CR2: variants seen among roughly 807,000 people sequenced by gnomAD.
CR2 encodes complement receptor type 2.
A neutral mutation model predicts 123.0 loss-of-function variants in CR2; 96 were observed. The observed-to-expected ratio is 0.78, with a 90% CI of 0.66 to 0.93. The LOEUF (loss-of-function observed/expected upper bound fraction) is 0.93, where lower values mean the gene tolerates loss of function less well. CR2 is among the 40% of genes least tolerant of loss of function. The pLI is 0.00. For synonymous variants in CR2, 484 were observed against 469.5 expected, an observed-to-expected ratio of 1.03 and a Z score of -0.40; for missense variants, 1,258 against 1,361.0, an observed-to-expected ratio of 0.92 and a Z score of 1.19.
chr1:207,475,352 G>T lies in CR2; in HGVS notation c.2716+136G>T, dbSNP rs927356601. The T allele has an allele frequency of 4.2e-6, 4 of 943,022 alleles. No individual in the cohort carries two copies. In the African/African-American group the frequency reaches 6.7e-5, roughly 16 times the overall value. The allele number at this position is 943,022 out of a possible 1,614,324, so 58.4% of individuals were successfully genotyped here. Reference sequence around the variant, plus strand: ...AGTTATATTGTTTTACAAGATATTTGCCTTTTCCTATCTTCTCACTTGATT... The same window carrying T: ...AGTTATATTGTTTTACAAGATATTTTCCTTTTCCTATCTTCTCACTTGATT... On this transcript the variant is annotated intron_variant, in intron 14 of 19. Coordinates refer to ENST00000367057, the MANE Select transcript of CR2 (RefSeq NM_001006658.3).
intron 15 of CR2, 99 bp from the exon 16 acceptor site, chr1:207,477,786 C>A: frequency 1.0e-6 from 1 of 962,508 alleles, no homozygotes; most frequent in Non-Finnish European, 1.6e-6. Flanking sequence ...GAGAGTGAAA[C>A]AGGTTGGTTT....
chr1:207,467,055 T>A (rs1179727127), intron 2 of CR2, 143 bp downstream of exon 2: 1 of 1,058,934 alleles, frequency 9.4e-7, no homozygotes, highest in Non-Finnish European at 1.3e-6. Context: ...AGGTGAAAGT[T>A]ATGGCTTCTT....
chr1:207,464,014 T>C (rs3767933), intron 1 of CR2, among the ~76,000 whole-genome samples: 66,829 of 151,970 alleles, frequency 0.44, 15,943 homozygotes, highest in South Asian at 0.59. Context: ...CGTTCCTTTG[T>C]TTACTGTCCT....
intron 1 of CR2, among the ~76,000 whole-genome samples, chr1:207,463,873 C>T (rs1412951059): frequency 6.6e-6 from 1 of 152,038 alleles, no homozygotes; most frequent in African/African-American, 2.4e-5. Flanking sequence ...TTCCTCTTGT[C>T]CCCTTCCAGA....
At chr1:207,483,806 G>T (rs1658673100) in intron 18 of CR2, among the ~76,000 whole-genome samples, 1 of 152,118 alleles carries the variant, frequency 6.6e-6, no homozygotes, top group Non-Finnish European at 1.5e-5. Flanking sequence ...ATGATTTAGG[G>T]CTTGGGAGAA....
intron 5 of CR2, 67 bp from the exon 6 acceptor site, chr1:207,469,628 G>A: frequency 7.1e-7 from 1 of 1,411,550 alleles, no homozygotes; most frequent in Non-Finnish European, 1.0e-6. Context: ...GTATCAAGCA[G>A]CATCTGGGGC....
At position 207,479,430 on chromosome 1, in the gene CR2, C is replaced by T. The variant is rs142424018; in HGVS notation, c.3112+150C>T. Reference sequence around the variant, plus strand: ...TTTAAAGATACTTCAATGTACATGTCACATTACAAAATGTCACTTTGGCAT... The same window carrying T: ...TTTAAAGATACTTCAATGTACATGTTACATTACAAAATGTCACTTTGGCAT... On this transcript the variant is annotated intron_variant, in intron 17 of 19. Transcript: ENST00000367057. The T allele has an allele frequency of 5.2e-4, 326 of 622,282 alleles. 2 individuals carry two copies. In the African/African-American group the frequency reaches 5.6e-3, roughly 11 times the overall value. The allele number at this position is 622,282 out of a possible 1,614,324, so 38.5% of individuals were successfully genotyped here. A position where few individuals can be genotyped will look rare whatever the true frequency, so the allele number is the denominator to read the frequency against.
At chr1:207,485,655 T>C (rs1313042363) in intron 19 of CR2, 83 bp downstream of exon 19, 1 of 773,702 alleles carries the variant, frequency 1.3e-6, no homozygotes, top group African/African-American at 1.7e-5. Context: ...GCATTCACGG[T>C]GTATATACAT....
chr1:207,483,853 T>C (rs917685118), intron 18 of CR2, among the ~76,000 whole-genome samples: 4 of 151,940 alleles, frequency 2.6e-5, no homozygotes, highest in African/African-American at 9.7e-5. Flanking sequence ...TAAATCACAA[T>C]GAAAGCTGTG....
Position 207,485,478 on chromosome 1 carries a change from A to C in CR2, c.3203A>C (p.Asp1068Ala), listed in dbSNP as rs756904762. Residue 1068 changes from aspartate (D) to alanine (A), a missense_variant, in exon 19 of 20, where the codon GAT becomes GCT. Physicochemically the swap from Asp to Ala is moderately radical, Grantham distance 126 (BLOSUM62 -2). Transcript: ENST00000367057. ...SKHRARNYYT[D>A]TSQKEAFHLE... Reference sequence around the variant, plus strand: ...CTTCTGTTTAGCAATTATTATACAGATACAAGCCAGAAAGAAGCTTTTCAT... The same window carrying C: ...CTTCTGTTTAGCAATTATTATACAGCTACAAGCCAGAAAGAAGCTTTTCAT... 29 of 1,608,122 alleles carry C rather than the reference A, an allele frequency of 1.8e-5. No homozygotes were observed. The African/African-American group carries it at 3.3e-4, about 19-fold the overall frequency.
intron 2 of CR2, among the ~76,000 whole-genome samples, chr1:207,467,623 T>C (rs1009105549): frequency 6.6e-6 from 1 of 152,184 alleles, no homozygotes; most frequent in Non-Finnish European, 1.5e-5. Context: ...TTTAAGCAGA[T>C]TAAAGAGCTG....
At chr1:207,479,457 G>A (rs2102310991) in intron 17 of CR2, among the ~76,000 whole-genome samples, 177 bp downstream of exon 17, 1 of 152,284 alleles carries the variant, frequency 6.6e-6, no homozygotes, top group African/African-American at 2.4e-5. Context: ...CTTTGGCATA[G>A]AGTTGGATAA....
rs749360324 is a variant in CR2, at chr1:207,466,716, A to C, written c.249A>C (p.Glu83Asp). The C allele has an allele frequency of 7.1e-5, 114 of 1,613,994 alleles. 1 individual carries two copies. Among genetic ancestry groups the C allele is most frequent in the Non-Finnish European group, 8.9e-5 (105 of 1,179,992 alleles). The change falls in exon 2 of 20, where the codon GAA becomes GAC. Residue 83 changes from glutamate to aspartate, a missense_variant. Transcript: ENST00000367057. Reference protein sequence around the residue: ...GTWDKPAPKCEYFNKYSSCPE... With the variant: ...GTWDKPAPKCDYFNKYSSCPE... ...GGGATAAACCTGCTCCTAAATGTGA[A>C]TATTTCAATAAATATTCTTCTTGCC... is the stretch of plus-strand genomic sequence containing the variant.
chr1:207,476,542 G>T (rs962276517), intron 15 of CR2, 123 bp downstream of exon 15: 6 of 842,300 alleles, frequency 7.1e-6, no homozygotes, highest in Non-Finnish European at 1.1e-5. Flanking sequence ...TACATTAAAG[G>T]CTTTAATTAG....
rs893160812 is a variant in CR2, at chr1:207,476,287, G to A, written c.2770G>A (p.Gly924Arg). ...PKTPNGNHTGGNIARFSPGMS... is the reference protein window; with the variant it reads ...PKTPNGNHTGRNIARFSPGMS... ...GACCCCTAACGGGAACCATACTGGT[G>A]GAAACATAGCTCGATTTTCTCCTGG... Residue 924 changes from glycine to arginine, a missense_variant, in exon 15 of 20, where the codon GGA becomes AGA. Transcript: ENST00000367057. 2 of 1,613,902 alleles carry A rather than the reference G, an allele frequency of 1.2e-6. No homozygotes were observed. Among genetic ancestry groups the A allele is most frequent in the East Asian group, 4.5e-5 (2 of 44,868 alleles).
chr1:207,472,455 T>G (rs1345690425), intron 9 of CR2, among the ~76,000 whole-genome samples: 2 of 152,170 alleles, frequency 1.3e-5, no homozygotes, highest in Non-Finnish European at 2.9e-5. Context: ...ATAATTCTAT[T>G]ACCCTGTGTC....
At chr1:207,471,113 C>T (rs1658264883) in intron 8 of CR2, 26 bp downstream of exon 8, 1 of 1,607,074 alleles carries the variant, frequency 6.2e-7, no homozygotes, top group Non-Finnish European at 8.5e-7. Context: ...CTTAGTCTGA[C>T]CCAATTCCGG....
At chr1:207,476,893 T>C (rs967912139) in intron 15 of CR2, among the ~76,000 whole-genome samples, 2 of 152,272 alleles carry the variant, frequency 1.3e-5, no homozygotes, top group African/African-American at 4.8e-5. Flanking sequence ...CTAGTATTCA[T>C]TGAACACTTT....
intron 18 of CR2, among the ~76,000 whole-genome samples, chr1:207,484,365 T>G (rs1416306991): frequency 6.6e-6 from 1 of 152,244 alleles, no homozygotes; most frequent in Non-Finnish European, 1.5e-5. Flanking sequence ...CAATTGATTT[T>G]CCAATAATTG....
Sources: gnomAD v4.1 joint callset for allele counts (sites outside exome capture counted in the v4.1 genomes callset) on GRCh38, gnomAD v4.1.1 for gene constraint, MANE v1.5 for transcripts, NCBI Gene and HGNC (gene_info 2026-07-23, HGNC 2026-07-21) for gene names.